Variants in RFC3 observed in about 807,000 individuals in gnomAD.
RFC3 encodes the protein A1 38 kDa subunit.
A neutral mutation model predicts 45.1 loss-of-function variants in RFC3; 41 were observed. That is an observed-to-expected ratio of 0.91 (90% CI 0.71 to 1.18). The LOEUF is 1.18. Ranked by LOEUF, RFC3 falls within the 50% of genes most tolerant of loss-of-function variation. The probability of loss-of-function intolerance (pLI) is 0.00; values close to 1 mark genes in which losing one functional copy is unlikely to be tolerated. For synonymous variants in RFC3, 149 were observed against 144.0 expected (o/e 1.03, Z -0.25); for missense variants, 423 against 428.1 (o/e 0.99, Z 0.10).
the RFC3 span, among the ~76,000 whole-genome samples, chr13:33,974,848 C>T: frequency 6.6e-6 from 1 of 151,998 alleles, no homozygotes. Flanking sequence ...TTTAGAATAG[C>T]TAAAATTAAA....
At chr13:33,828,342 C>G (rs915087747) in intron 4 of RFC3, among the ~76,000 whole-genome samples, 35 of 152,124 alleles carry the variant, frequency 2.3e-4, no homozygotes, top group Non-Finnish European at 2.6e-4. Flanking sequence ...AGCCATCTTC[C>G]TAGCTCGGCT....
intron 8 of RFC3, among the ~76,000 whole-genome samples, chr13:33,907,386 A>T (rs565944776): frequency 7.6e-4 from 116 of 152,240 alleles, no homozygotes; most frequent in African/African-American, 2.6e-3. Context: ...AACATATTTT[A>T]TTACCCCATT....
intron 8 of RFC3, among the ~76,000 whole-genome samples, chr13:33,876,464 A>G (rs1209181128): frequency 2.6e-5 from 4 of 152,266 alleles, no homozygotes; most frequent in African/African-American, 9.6e-5. Flanking sequence ...TAAAAACTTT[A>G]ACTCAGTGAG....
Position 33,831,328 on chromosome 13 carries a change from T to C in RFC3, c.783T>C (p.Ala261=). ...TGTATCTGAGGGAGACTGCAAATGC[T>C]ATTGTCAGTCAGCAAACTCCACAAA... ...WEVYLRETAN[A]IVSQQTPQRL... The change falls in exon 7 of 9, where the codon GCT becomes GCC. Residue 261 remains alanine (A), a synonymous_variant. Coordinates refer to ENST00000380071, the MANE Select transcript of RFC3 (RefSeq NM_002915.4). 2 of 1,607,048 alleles carry C rather than the reference T, an allele frequency of 1.2e-6. No individual in the cohort carries two copies. Among genetic ancestry groups the C allele is most frequent in the Non-Finnish European group, 8.5e-7 (1 of 1,173,510 alleles).
chr13:33,914,786 C>A (rs919118113), intron 8 of RFC3, among the ~76,000 whole-genome samples: 1 of 151,976 alleles, frequency 6.6e-6, no homozygotes, highest in Non-Finnish European at 1.5e-5. Context: ...GAAATCTGAA[C>A]AAAATTTATG....
At chr13:33,912,308 C>CA (rs11407267) in intron 8 of RFC3, among the ~76,000 whole-genome samples, 27,163 of 151,914 alleles carry the variant, frequency 0.18, 3,357 homozygotes, top group African/African-American at 0.31. Flanking sequence ...TGAACTGCCC[C>CA]ACCCCACAGT....
intron 8 of RFC3, among the ~76,000 whole-genome samples, chr13:33,859,989 G>A (rs1197181274): frequency 5.3e-5 from 8 of 152,094 alleles, no homozygotes; most frequent in Non-Finnish European, 2.9e-5. Context: ...AATAGGACTG[G>A]TGACCTCATA....
intron 8 of RFC3, among the ~76,000 whole-genome samples, chr13:33,964,146 C>T (rs80204440): frequency 0.015 from 2,237 of 152,232 alleles, 43 homozygotes; most frequent in African/African-American, 0.048. Flanking sequence ...TCACAATCTA[C>T]ATAATGTGAC....
chr13:33,841,000 G>A (rs1234541475), downstream of RFC3, among the ~76,000 whole-genome samples: 1 of 152,162 alleles, frequency 6.6e-6, no homozygotes, highest in Non-Finnish European at 1.5e-5. Flanking sequence ...TAGGAACTGG[G>A]GCCACACAGC....
chr13:33,934,161 A>T (rs1474147480), intron 8 of RFC3, among the ~76,000 whole-genome samples: 1 of 149,600 alleles, frequency 6.7e-6, no homozygotes. Context: ...GCAAGACTTC[A>T]TCTCTACTAA....
chr13:33,879,365 A>T (rs2137590732), intron 8 of RFC3, among the ~76,000 whole-genome samples: 1 of 152,314 alleles, frequency 6.6e-6, no homozygotes, highest in East Asian at 1.9e-4. Context: ...AGCTAATTTT[A>T]TCCTCAGTCA....
chr13:33,899,204 C>CAAAA (rs59221382), intron 8 of RFC3, among the ~76,000 whole-genome samples: 41 of 51,962 alleles, frequency 7.9e-4, no homozygotes, highest in African/African-American at 2.1e-3. Context: ...CACAATAAGA[C>CAAAA]AAAAAAAAAA....
intron 8 of RFC3, among the ~76,000 whole-genome samples, chr13:33,851,433 G>T (rs1256926075): frequency 6.6e-6 from 1 of 152,066 alleles, no homozygotes; most frequent in African/African-American, 2.4e-5. Flanking sequence ...TGTATGTCGT[G>T]TATATTACAT....
chr13:33,965,962 G>A (rs1372624069), intron 8 of RFC3: 16 of 664,302 alleles, frequency 2.4e-5, no homozygotes, highest in East Asian at 5.2e-5. Context: ...TAATTCATTC[G>A]TAGCTTGCTC....
rs2083022308 is a variant in RFC3 at position 33,956,422 on chromosome 13, A to T, written c.880-9665A>T. On this transcript the variant is annotated intron_variant, in intron 8 of 8. Transcript: ENST00000434425. ...GATGGCAGCTTGTGAATACAGATGA[A>T]CACAGCAAATTGTACATCATCTCAG... Among the ~76,000 whole-genome samples, 4 of 152,240 alleles carry T rather than the reference A, an allele frequency of 2.6e-5. No individual in the cohort carries two copies. In the South Asian group the frequency reaches 8.3e-4, roughly 32 times the overall value.
chr13:33,954,247 A>G (rs2083007521), intron 8 of RFC3, among the ~76,000 whole-genome samples: 1 of 152,222 alleles, frequency 6.6e-6, no homozygotes, highest in Non-Finnish European at 1.5e-5. Flanking sequence ...CATTTACATG[A>G]CATCAATAGA....
Position 33,920,024 on chromosome 13 carries a change from C to T in RFC3, c.880-46063C>T, listed in dbSNP as rs184699483. 4.0e-3 allele frequency among the ~76,000 whole-genome samples: 602 copies of T among 152,246 alleles called. 15 individuals carry two copies. Among genetic ancestry groups the T allele is most frequent in the Non-Finnish European group, 9.4e-4 (64 of 68,012 alleles). On this transcript the variant is annotated intron_variant, in intron 8 of 8. Coordinates refer to the RFC3 transcript ENST00000434425. ...TAAAAGATGCCCTAGAAATTTTACT[C>T]TTGTTCCTGCCTAAGTCTCCCTAAT...
rs78145204 is a variant in RFC3 at position 33,873,144 on chromosome 13, A to G, written c.879+37927A>G. Among the ~76,000 whole-genome samples, 1,236 of 152,300 alleles carry G rather than the reference A, an allele frequency of 8.1e-3. 11 individuals are homozygous for G. Among genetic ancestry groups the G allele is most frequent in the African/African-American group, 0.029 (1,186 of 41,566 alleles). ...ATCCAATGTCTCAGTGACCAACTCT[A>G]CACCTCCAGGCTTATATACAATGGG... On this transcript the variant is annotated intron_variant, in intron 8 of 8. Transcript: ENST00000434425.
rs535709745 is a variant in RFC3, at chr13:33,905,543, A to G, written c.880-60544A>G. Among the ~76,000 whole-genome samples, 3 of 152,186 alleles carry G rather than the reference A, an allele frequency of 2.0e-5. No individual in the cohort carries two copies. The South Asian group carries it at 6.2e-4, about 32-fold the overall frequency. ...GAAAATAATTCATCTATGAGTTTAT[A>G]ACAATATCTACATTCTTGTTTTATG... On this transcript the variant is annotated intron_variant, in intron 8 of 8. Coordinates refer to the RFC3 transcript ENST00000434425.
Sources: gnomAD v4.1 joint callset for allele counts (sites outside exome capture counted in the v4.1 genomes callset) on GRCh38, gnomAD v4.1.1 for gene constraint, MANE v1.5 for transcripts, NCBI Gene and HGNC (gene_info 2026-07-23, HGNC 2026-07-21) for gene names.